SPATS2: variants seen among roughly 807,000 people sequenced by gnomAD.
The protein encoded by SPATS2 is spermatogenesis-associated serine-rich protein 2.
In SPATS2, 38 loss-of-function variants were observed where a neutral mutation model predicts 63.7. That is an observed-to-expected ratio of 0.60 (90% CI 0.46 to 0.78). The LOEUF (loss-of-function observed/expected upper bound fraction) is 0.78, where lower values mean the gene tolerates loss of function less well. SPATS2 is among the 30% of genes least tolerant of loss of function. SPATS2 has a pLI of 0.00. For missense variants in SPATS2, 588 were observed against 666.2 expected, an observed-to-expected ratio of 0.88 and a Z score of 1.29; for synonymous variants, 207 against 232.9, an observed-to-expected ratio of 0.89 and a Z score of 1.01.
chr12:49,439,338 G>A (rs1945375399), intron 2 of SPATS2, among the ~76,000 whole-genome samples: 1 of 152,146 alleles, frequency 6.6e-6, no homozygotes, highest in African/African-American at 2.4e-5. Flanking sequence ...TTTGAGTAGA[G>A]GAGTGACATG....
Position 49,494,795 on chromosome 12 carries a change from C to A in SPATS2, c.319C>A (p.Pro107Thr). 1 of 1,611,836 alleles carries A rather than the reference C, an allele frequency of 6.2e-7. No individual in the cohort carries two copies. The highest frequency in any genetic ancestry group is 1.7e-5 in the Admixed American group (1 of 59,628). The stretch of plus-strand genomic sequence containing the variant: ...TGCCGCAGAACCAAGTAACGGCATC[C>A]CAGATTCCAGTAAATCAGTTTCCAT... ...KPAAEPSNGI[P>T]DSSKSVSIQE... Residue 107 changes from proline to threonine, a missense_variant, in exon 7 of 14, where the codon CCA becomes ACA. Transcript: ENST00000552918.
At chr12:49,482,746 A>G (rs911290144) in intron 3 of SPATS2, among the ~76,000 whole-genome samples, 1 of 152,066 alleles carries the variant, frequency 6.6e-6, no homozygotes, top group Non-Finnish European at 1.5e-5. Flanking sequence ...TAATTATACT[A>G]ATTTATTTTG....
chr12:49,412,259 G>A (rs923831590), intron 2 of SPATS2, among the ~76,000 whole-genome samples: 4 of 151,950 alleles, frequency 2.6e-5, no homozygotes, highest in African/African-American at 9.7e-5. Flanking sequence ...CAGTGGCGCC[G>A]TCTTGGCTCA....
intron 2 of SPATS2, among the ~76,000 whole-genome samples, chr12:49,460,151 G>C (rs1023918299): frequency 2.0e-5 from 3 of 151,358 alleles, no homozygotes; most frequent in Non-Finnish European, 4.4e-5. Context: ...TCTAGAGGAA[G>C]AGAATAGACC....
chr12:49,376,994 G>A (rs1944118531), intron 2 of SPATS2, among the ~76,000 whole-genome samples: 2 of 152,146 alleles, frequency 1.3e-5, no homozygotes, highest in East Asian at 3.8e-4. Context: ...GGGATTACAG[G>A]CATGAGCCAC....
At chr12:49,524,146 T>G (rs1946991847) in intron 12 of SPATS2, among the ~76,000 whole-genome samples, 1 of 152,168 alleles carries the variant, frequency 6.6e-6, no homozygotes, top group African/African-American at 2.4e-5. Context: ...CAGAAAGAAA[T>G]TTGGCAATAT....
chr12:49,522,694 T>C (rs1453531684), intron 11 of SPATS2, 57 bp from the exon 12 acceptor site: 9 of 1,380,516 alleles, frequency 6.5e-6, no homozygotes, highest in East Asian at 2.3e-5. Context: ...TAGCAAGTTA[T>C]AGATTCCATG....
intron 2 of SPATS2, among the ~76,000 whole-genome samples, chr12:49,444,457 A>C (rs995485349): frequency 4.0e-4 from 61 of 152,180 alleles, no homozygotes; most frequent in African/African-American, 1.4e-3. Context: ...GGGCTAAAGC[A>C]GTCCTCTTGC....
chr12:49,424,223 CAAAA>C (rs925268285), intron 2 of SPATS2, among the ~76,000 whole-genome samples: 1 of 151,464 alleles, frequency 6.6e-6, no homozygotes, highest in Non-Finnish European at 1.5e-5. Flanking sequence ...AACAAACAAA[CAAAA>C]AAAACAAACT....
chr12:49,412,482 G>A (rs541925039), intron 2 of SPATS2, among the ~76,000 whole-genome samples: 223 of 152,228 alleles, frequency 1.5e-3, no homozygotes, highest in African/African-American at 4.0e-3. Flanking sequence ...GATTACAGGC[G>A]TGAGCTACTG....
chr12:49,408,825 G>A (rs960911792), intron 2 of SPATS2, among the ~76,000 whole-genome samples: 2 of 151,482 alleles, frequency 1.3e-5, no homozygotes, highest in Non-Finnish European at 2.9e-5. Context: ...CAGAGTTCTG[G>A]GATTACAGGT....
At chr12:49,404,584 T>C (rs1251030687) in intron 2 of SPATS2, among the ~76,000 whole-genome samples, 1 of 152,080 alleles carries the variant, frequency 6.6e-6, no homozygotes, top group African/African-American at 2.4e-5. Context: ...CTGCTTAGAG[T>C]AGTCATATTT....
intron 2 of SPATS2, among the ~76,000 whole-genome samples, chr12:49,458,204 C>T (rs1245743839): frequency 6.6e-6 from 1 of 152,176 alleles, no homozygotes; most frequent in Non-Finnish European, 1.5e-5. Flanking sequence ...CATGGTGGCT[C>T]ATGCCTGTAA....
rs539934174 is a variant in SPATS2 at position 49,511,450 on chromosome 12, A to G, written c.840-3105A>G. Among the ~76,000 whole-genome samples the G allele has an allele frequency of 2.6e-5, 4 of 152,284 alleles. No homozygotes were observed. In the South Asian group the frequency reaches 6.2e-4, roughly 24 times the overall value. ...TCCCAGCAATATTTAGCTGAATTTC[A>G]TTAGCAGTTTTAGAATCTAGTCTGC... On this transcript the variant is annotated intron_variant, in intron 9 of 13. Coordinates refer to ENST00000552918, the MANE Select transcript of SPATS2 (RefSeq NM_023071.4).
intron 2 of SPATS2, among the ~76,000 whole-genome samples, chr12:49,432,115 G>A (rs937736313): frequency 2.0e-5 from 3 of 152,206 alleles, no homozygotes; most frequent in African/African-American, 7.2e-5. Flanking sequence ...TGAGGGGCCT[G>A]TTTGTCCACA....
At chr12:49,516,479 G>A (rs753888735) in intron 10 of SPATS2, among the ~76,000 whole-genome samples, 1 of 151,542 alleles carries the variant, frequency 6.6e-6, no homozygotes. Flanking sequence ...AGGCCGAGGC[G>A]GGCTGATCAC....
chr12:49,489,617 A>G lies in SPATS2; in HGVS notation c.214+44A>G, dbSNP rs1455937139. 3.2e-6 allele frequency: 5 copies of G among 1,539,468 alleles called. No homozygotes were observed. The Admixed American group carries it at 8.8e-5, about 27-fold the overall frequency. ...TAAAAATAAATTTATATTTGCTCAA[A>G]TAGAATTTGCTTCAGACTTTTATAA... On this transcript the variant is annotated intron_variant, in intron 5 of 13. Coordinates refer to ENST00000552918, the MANE Select transcript of SPATS2 (RefSeq NM_023071.4).
At chr12:49,457,031 GTTTTTC>G (rs917316899) in intron 2 of SPATS2, among the ~76,000 whole-genome samples, 1 of 151,524 alleles carries the variant, frequency 6.6e-6, no homozygotes, top group African/African-American at 2.4e-5. Context: ...TTTTTTTCCA[GTTTTTC>G]TTTAACTTTG....
At chr12:49,457,745 CT>C (rs1271416295) in intron 2 of SPATS2, among the ~76,000 whole-genome samples, 1 of 152,122 alleles carries the variant, frequency 6.6e-6, no homozygotes, top group Non-Finnish European at 1.5e-5. Context: ...ATCCTGTTTT[CT>C]TTAACCTGAG....
Sources: allele counts gnomAD v4.1 joint callset (sites outside exome capture counted in the v4.1 genomes callset), GRCh38; gene constraint gnomAD v4.1.1; transcripts MANE v1.5; gene names NCBI Gene and HGNC (gene_info 2026-07-23, HGNC 2026-07-21).